Variants in DYNC1H1 observed in about 807,000 individuals in gnomAD.
The protein encoded by DYNC1H1 is dynein cytoplasmic 1 heavy chain 1, also known as cytoplasmic dynein 1 heavy chain 1.
DYNC1H1 carries 51 observed loss-of-function variants against 527.1 expected under a neutral mutation model. That is an observed-to-expected ratio of 0.10 (90% CI 0.08 to 0.12). The LOEUF (loss-of-function observed/expected upper bound fraction) is 0.12, where lower values mean the gene tolerates loss of function less well. Among genes scored for constraint, DYNC1H1 ranks in the 10% least tolerant of loss-of-function variants. DYNC1H1 has a pLI of 1.00. For synonymous variants in DYNC1H1, 2,189 were observed against 2,278.8 expected, an observed-to-expected ratio of 0.96 and a Z score of 1.12; for missense variants, 2,771 against 5,971.8, an observed-to-expected ratio of 0.46 and a Z score of 17.66.
Position 101,971,378 on chromosome 14 carries a change from G to T in DYNC1H1, c.257-4334G>T, listed in dbSNP as rs137915263. Reference sequence around the variant, plus strand: ...CATGAGCCACTGGGCCCAGTCGAGGGTGGTATAGTTTTTAAGGTAATTGAA... The same window carrying T: ...CATGAGCCACTGGGCCCAGTCGAGGTTGGTATAGTTTTTAAGGTAATTGAA... On this transcript the variant is annotated intron_variant, in intron 1 of 77. Coordinates refer to ENST00000360184, the MANE Select transcript of DYNC1H1 (RefSeq NM_001376.5). 7.8e-3 allele frequency among the ~76,000 whole-genome samples: 1,186 copies of T among 152,000 alleles called. 12 individuals are homozygous for T. The highest frequency in any genetic ancestry group is 0.011 in the Non-Finnish European group (715 of 67,968).
In DYNC1H1 at chr14:102,048,380, T is replaced by C. The variant is rs909873538; in HGVS notation, c.13219-136T>C. 15 of 1,240,930 alleles carry C rather than the reference T, an allele frequency of 1.2e-5. No homozygotes were observed. The East Asian group carries it at 3.5e-4, about 29-fold the overall frequency. 76.9% of individuals were successfully genotyped at this position (1,240,930 alleles called of 1,614,324 possible). A position where few individuals can be genotyped will look rare whatever the true frequency, so the allele number is the denominator to read the frequency against. On this transcript the variant is annotated intron_variant, in intron 73 of 77. Coordinates refer to ENST00000360184, the MANE Select transcript of DYNC1H1 (RefSeq NM_001376.5). ...ACAAGCTCGGTTCCAAGTCACGCTC[T>C]GCCAAAGCTGTCCGTGACCCTGGAC...
chr14:102,009,238 AT>A (rs2048231489), intron 29 of DYNC1H1: 1 of 155,946 alleles, frequency 6.4e-6, no homozygotes, highest in Non-Finnish European at 1.4e-5. Context: ...ATTCTGTCTT[AT>A]GTGCACAGCG....
Position 102,033,612 on chromosome 14 carries a change from AGGACTTTT to A in DYNC1H1, c.10413+129_10413+136del. The A allele has an allele frequency of 7.9e-7, 1 of 1,266,060 alleles. No individual in the cohort carries two copies. The highest frequency in any genetic ancestry group is 2.5e-5 in the East Asian group (1 of 39,670). 78.4% of individuals were successfully genotyped at this position (1,266,060 alleles called of 1,614,324 possible). ...CTCTTTAACATCTGTAAGGCCCCGG[AGGACTTTT>A]TTCCTGGAAAATAATACACACTGAG... is the stretch of plus-strand genomic sequence containing the variant. On this transcript the variant is annotated intron_variant, in intron 54 of 77. Coordinates refer to ENST00000360184, the MANE Select transcript of DYNC1H1 (RefSeq NM_001376.5). This position sits in a 1 kb window ranked among gnomAD's most constrained non-coding sequence, Gnocchi z 5.6.
chr14:101,974,960 A>G (rs890914098), intron 1 of DYNC1H1, among the ~76,000 whole-genome samples: 2 of 152,220 alleles, frequency 1.3e-5, no homozygotes, highest in Admixed American at 6.5e-5. Flanking sequence ...GAACAGACTC[A>G]GATAAGTGGT....
rs780345145 is a variant in DYNC1H1 at position 102,005,087 on chromosome 14, G to A, written c.5284G>A (p.Val1762Met). The A allele has an allele frequency of 1.5e-5, 25 of 1,614,102 alleles. No individual in the cohort carries two copies. The highest frequency in any genetic ancestry group is 2.2e-5 in the South Asian group (2 of 91,096). ...LSAQIAWSEN[V>M]ETALSSMGGG... ...AGCCCAGATAGCCTGGTCTGAGAAC[G>A]TGGAGACCGCACTGAGCAGCATGGG... The change falls in exon 26 of 78, where the codon GTG becomes ATG. Residue 1762 changes from valine (V) to methionine (M), a missense_variant. Physicochemically the swap from Val to Met is conservative, Grantham distance 21. Around this residue, in one of 32 missense-constraint regions of DYNC1H1, gnomAD observed 105 missense variants for 138.1 expected, o/e 0.76. Transcript: ENST00000360184. The surrounding 1 kb of genome is among the most constrained non-coding windows in gnomAD (Gnocchi z 4.0).
chr14:101,997,441 T>C lies in DYNC1H1; in HGVS notation c.3804+167T>C, dbSNP rs1183885127. ...GATGGAGATAGCAAATGTGAAAATA[T>C]GAAGCCCAGCTTAGACCTCTTTTTA... On this transcript the variant is annotated intron_variant, in intron 16 of 77. Transcript: ENST00000360184. The surrounding 1 kb of genome is among the most constrained non-coding windows in gnomAD (Gnocchi z 4.8). Among the ~76,000 whole-genome samples the C allele has an allele frequency of 6.6e-6, 1 of 152,230 alleles. No homozygotes were observed. The highest frequency in any genetic ancestry group is 2.4e-5 in the African/African-American group (1 of 41,464).
Position 101,987,515 on chromosome 14 carries a change from T to C in DYNC1H1, c.2601T>C (p.Cys867=), listed in dbSNP as rs1411887990. ...TAGAAGTCCGTTCCTTGGAAACTTG[T>C]ATGTATGACCATAAGACATTCTCGG... ...IDLEVRSLET[C]MYDHKTFSEI... is the part of the protein sequence containing the mutation. The change falls in exon 9 of 78, where the codon TGT becomes TGC. Residue 867 remains cysteine (C), a synonymous_variant. Coordinates refer to ENST00000360184, the MANE Select transcript of DYNC1H1 (RefSeq NM_001376.5). The C allele has an allele frequency of 6.2e-7, 1 of 1,614,100 alleles. No individual in the cohort carries two copies. Among genetic ancestry groups the C allele is most frequent in the Non-Finnish European group, 8.5e-7 (1 of 1,180,054 alleles).
At chr14:101,966,535 C>T (rs1283117171) in intron 1 of DYNC1H1, among the ~76,000 whole-genome samples, 1 of 151,660 alleles carries the variant, frequency 6.6e-6, no homozygotes, top group Admixed American at 6.6e-5. Context: ...TCACTGTCAG[C>T]ATTTTTGGTT....
chr14:102,021,413 A>G (rs970706269), intron 42 of DYNC1H1, among the ~76,000 whole-genome samples: 2 of 152,180 alleles, frequency 1.3e-5, no homozygotes, highest in African/African-American at 4.8e-5. Context: ...AGTACCACAG[A>G]GAATTTTGTT....
At chr14:101,992,264 G>A (rs774520926) in intron 11 of DYNC1H1, among the ~76,000 whole-genome samples, 7 of 152,222 alleles carry the variant, frequency 4.6e-5, no homozygotes, top group East Asian at 1.9e-4. Context: ...GACATTAACC[G>A]TTTTCTTAAC....
Position 102,036,564 on chromosome 14 carries a change from A to T in DYNC1H1, c.10830A>T (p.Thr3610=). 1 of 1,614,206 alleles carries T rather than the reference A, an allele frequency of 6.2e-7. No homozygotes were observed. The highest frequency in any genetic ancestry group is 1.7e-4 in the Middle Eastern group (1 of 6,060). ...IMNEYKDRKI[T]RTSFLDDAFR... ...ATGAATATAAGGATCGTAAGATCAC[A>T]CGGACCAGCTTCCTGGATGACGCCT... Residue 3610 remains threonine, a synonymous_variant, in exon 57 of 78, where the codon ACA becomes ACT. Transcript: ENST00000360184. This position sits in a 1 kb window ranked among gnomAD's most constrained non-coding sequence, Gnocchi z 5.6.
At chr14:102,031,027 T>A (rs2048504436) in intron 51 of DYNC1H1, among the ~76,000 whole-genome samples, 1 of 152,200 alleles carries the variant, frequency 6.6e-6, no homozygotes, top group African/African-American at 2.4e-5. Context: ...GTATTTAACC[T>A]GTTTCAAATA....
Position 101,964,800 on chromosome 14 carries a change from C to G in DYNC1H1, c.109C>G (p.Leu37Val). The G allele has an allele frequency of 6.2e-7, 1 of 1,603,714 alleles. No individual in the cohort carries two copies. The highest frequency in any genetic ancestry group is 1.3e-5 in the African/African-American group (1 of 74,970). ...VSVLQKHLRK[L>V]VPLLLEDGGE... The stretch of plus-strand genomic sequence containing the variant: ...GGTGCTGCAGAAGCACCTGCGCAAG[C>G]TGGTGCCGCTGCTGCTGGAGGACGG... Residue 37 changes from leucine (L) to valine (V), a missense_variant, in exon 1 of 78, where the codon CTG (leucine) becomes GTG (valine). This residue lies in a region of DYNC1H1 where 101 missense variants were observed against 105.3 expected (regional missense o/e 0.96). Coordinates refer to ENST00000360184, the MANE Select transcript of DYNC1H1 (RefSeq NM_001376.5). This position sits in a 1 kb window ranked among gnomAD's most constrained non-coding sequence, Gnocchi z 5.5.
At position 101,977,347 on chromosome 14, in the gene DYNC1H1, G is replaced by A. The variant is rs373883104; in HGVS notation, c.344+1548G>A. On this transcript the variant is annotated intron_variant, in intron 2 of 77. Coordinates refer to ENST00000360184, the MANE Select transcript of DYNC1H1 (RefSeq NM_001376.5). ...TAATCTCAGGTTACGGAAGAGTTGCGTGAATAGTATATAGAACTCCCAGAT... is the reference window on the plus strand; with the variant it reads ...TAATCTCAGGTTACGGAAGAGTTGCATGAATAGTATATAGAACTCCCAGAT... 1.8e-4 allele frequency among the ~76,000 whole-genome samples: 27 copies of A among 152,248 alleles called. 1 individual carries two copies. The East Asian group carries it at 2.9e-3, about 16-fold the overall frequency.
rs1037874771 is a variant in DYNC1H1, at chr14:101,987,304, T to G, written c.2539-149T>G. 12 of 879,914 alleles carry G rather than the reference T, an allele frequency of 1.4e-5. No homozygotes were observed. The African/African-American group carries it at 2.0e-4, about 15-fold the overall frequency. The allele number at this position is 879,914 out of a possible 1,614,324, so 54.5% of individuals were successfully genotyped here. On this transcript the variant is annotated intron_variant, in intron 8 of 77. Coordinates refer to ENST00000360184, the MANE Select transcript of DYNC1H1 (RefSeq NM_001376.5). The stretch of plus-strand genomic sequence containing the variant: ...AAGGACATGCGAGTGGGGATTAGTG[T>G]TCTCACCCCAGCAGCTAGGATTAGC...
chr14:101,987,291 G>A (rs982068046), intron 8 of DYNC1H1, among the ~76,000 whole-genome samples, 162 bp from the exon 9 acceptor site: 2 of 152,246 alleles, frequency 1.3e-5, no homozygotes. Flanking sequence ...GGACATGCGA[G>A]TGGGGATTAG....
At position 102,042,384 on chromosome 14, in the gene DYNC1H1, G is replaced by A. The variant is rs746372351; in HGVS notation, c.12276G>A (p.Arg4092=). Residue 4092 remains arginine (R), a splice_region_variant and synonymous_variant, in exon 68 of 78, where the codon AGG becomes AGA. Coordinates refer to ENST00000360184, the MANE Select transcript of DYNC1H1 (RefSeq NM_001376.5). This position sits in a 1 kb window ranked among gnomAD's most constrained non-coding sequence, Gnocchi z 5.7. The part of the protein sequence containing the change: ...KAINTAVKSG[R]WVMLKNVHLA... ...TGTGACTCTCACTTTGTGTGTGCAG[G>A]TGGGTGATGCTGAAGAATGTGCATC... 46 of 1,614,082 alleles carry A rather than the reference G, an allele frequency of 2.8e-5. No individual in the cohort carries two copies. The Admixed American group carries it at 6.2e-4, about 22-fold the overall frequency.
At chr14:102,043,840 C>G in intron 69 of DYNC1H1, 35 bp from the exon 70 acceptor site, 1 of 1,614,048 alleles carries the variant, frequency 6.2e-7, no homozygotes, top group Non-Finnish European at 8.5e-7. Flanking sequence ...GTGCTGTTTT[C>G]TAATGACTCT....
chr14:102,021,188 C>T (rs776688342), intron 42 of DYNC1H1, among the ~76,000 whole-genome samples: 6 of 152,032 alleles, frequency 3.9e-5, no homozygotes, highest in Non-Finnish European at 7.4e-5. Flanking sequence ...GCCAGCCTGA[C>T]CAACATAGTG....
Sources: allele counts gnomAD v4.1 joint callset (sites outside exome capture counted in the v4.1 genomes callset), GRCh38; gene constraint gnomAD v4.1.1; regional missense constraint gnomAD v4.1.1; non-coding constraint Gnocchi (gnomAD v3.1); transcripts MANE v1.5; gene names NCBI Gene and HGNC (gene_info 2026-07-23, HGNC 2026-07-21).